Variants in SCFD1 observed in about 807,000 individuals in gnomAD.
SCFD1 encodes the protein sec1 family domain containing 1, also known as sec1 family domain-containing protein 1.
In SCFD1, 37 loss-of-function variants were observed where a neutral mutation model predicts 103.2. The observed-to-expected ratio is 0.36, with a 90% CI of 0.28 to 0.47. The LOEUF is 0.47. SCFD1 is among the 20% of genes least tolerant of loss of function. The pLI, the probability that SCFD1 is intolerant of heterozygous loss-of-function variation, is 1.00. For synonymous variants in SCFD1, 264 were observed against 245.0 expected, an observed-to-expected ratio of 1.08 and a Z score of -0.73; for missense variants, 639 against 761.2, an observed-to-expected ratio of 0.84 and a Z score of 1.89.
Position 30,674,864 on chromosome 14 carries a change from C to T in SCFD1, c.1161-120C>T, listed in dbSNP as rs530879772. On this transcript the variant is annotated intron_variant, in intron 13 of 24. Transcript: ENST00000458591. ...GATTAAATTAGTTGATAGTTTAATT[C>T]GTCATCTTGTTACTGTTTCACTGTT... 8.2e-5 allele frequency: 40 copies of T among 490,310 alleles called. 1 individual carries two copies. Among genetic ancestry groups the T allele is most frequent in the African/African-American group, 6.0e-4 (30 of 49,932 alleles). 30.4% of individuals were successfully genotyped at this position (490,310 alleles called of 1,614,324 possible).
intron 10 of SCFD1, among the ~76,000 whole-genome samples, chr14:30,664,398 C>T (rs1216640739): frequency 1.3e-5 from 2 of 151,268 alleles, no homozygotes; most frequent in Admixed American, 6.6e-5. Flanking sequence ...CTGTAGGTCA[C>T]CATCATCAAA....
upstream of SCFD1, chr14:30,622,254 C>T (rs1039575372): frequency 2.6e-6 from 4 of 1,562,808 alleles, no homozygotes; most frequent in Admixed American, 1.8e-5. Flanking sequence ...CCCGCCCTTC[C>T]GGGCTTTGCT....
chr14:30,639,903 AAATG>A (rs768463287), intron 6 of SCFD1, 39 bp downstream of exon 6: 21 of 1,553,436 alleles, frequency 1.4e-5, no homozygotes, highest in Non-Finnish European at 1.6e-5. Context: ...TTTGTTAACA[AAATG>A]AATGGTATAC....
chr14:30,677,590 T>C (rs1467065126), intron 14 of SCFD1, among the ~76,000 whole-genome samples: 1 of 148,106 alleles, frequency 6.8e-6, no homozygotes, highest in East Asian at 2.1e-4. Context: ...ACTGTATTGT[T>C]CTCATTATTT....
chr14:30,714,347 C>T (rs954401038), intron 19 of SCFD1, among the ~76,000 whole-genome samples: 3 of 138,248 alleles, frequency 2.2e-5, no homozygotes, highest in African/African-American at 5.6e-5. Flanking sequence ...GGCGACAGAG[C>T]GAGACTCCGT....
At chr14:30,669,479 A>G (rs1437220523) in intron 10 of SCFD1, among the ~76,000 whole-genome samples, 1 of 152,072 alleles carries the variant, frequency 6.6e-6, no homozygotes, top group Non-Finnish European at 1.5e-5. Flanking sequence ...GAAAAAAGAT[A>G]CTTACTTTTA....
intron 16 of SCFD1, among the ~76,000 whole-genome samples, chr14:30,701,159 T>G (rs1351070264): frequency 1.3e-5 from 2 of 152,194 alleles, no homozygotes; most frequent in African/African-American, 2.4e-5. Flanking sequence ...TCTGGTAAAT[T>G]GATAGGGTTT....
intron 19 of SCFD1, among the ~76,000 whole-genome samples, chr14:30,710,950 CA>C (rs1311603840): frequency 6.6e-6 from 1 of 152,160 alleles, no homozygotes; most frequent in African/African-American, 2.4e-5. Context: ...TAACTACATC[CA>C]GTTTTCTAGG....
At position 30,722,546 on chromosome 14, in the gene SCFD1, T is replaced by C. The variant is rs1156891793; in HGVS notation, c.1823T>C (p.Val608Ala). 8 of 1,602,228 alleles carry C rather than the reference T, an allele frequency of 5.0e-6. No homozygotes were observed. Among genetic ancestry groups the C allele is most frequent in the Non-Finnish European group, 6.8e-6 (8 of 1,172,800 alleles). ...AACTACATTGAATATCAGAATCTTG[T>C]TGACTACATAAAGGTACATTTTATT... ...GGNYIEYQNL[V>A]DYIKGKQGKH... Residue 608 changes from valine (V) to alanine (A), a missense_variant, in exon 23 of 25, where the codon GTT becomes GCT. Transcript: ENST00000458591.
intron 10 of SCFD1, among the ~76,000 whole-genome samples, chr14:30,669,448 A>T (rs1374600263): frequency 6.6e-6 from 1 of 152,106 alleles, no homozygotes; most frequent in African/African-American, 2.4e-5. Context: ...CCATAGATGT[A>T]ATGCAAGAAG....
At chr14:30,726,531 A>G (rs1199847992) in intron 23 of SCFD1, among the ~76,000 whole-genome samples, 1 of 151,802 alleles carries the variant, frequency 6.6e-6, no homozygotes, top group Non-Finnish European at 1.5e-5. Flanking sequence ...CAACAAAATC[A>G]GCTCTTGCTT....
chr14:30,628,112 G>T (rs1883715051), intron 1 of SCFD1, 97 bp from the exon 2 acceptor site: 4 of 753,566 alleles, frequency 5.3e-6, no homozygotes, highest in Non-Finnish European at 8.9e-6. Context: ...TACTAGAGTT[G>T]ATTAGTTTAT....
chr14:30,729,861 C>T (rs866546047), intron 23 of SCFD1, among the ~76,000 whole-genome samples: 2 of 147,996 alleles, frequency 1.4e-5, no homozygotes, highest in South Asian at 2.1e-4. Context: ...TATGCTGTTA[C>T]GAAAGGCATT....
chr14:30,655,500 A>G (rs1886814722), intron 10 of SCFD1, among the ~76,000 whole-genome samples: 1 of 152,240 alleles, frequency 6.6e-6, no homozygotes, highest in Non-Finnish European at 1.5e-5. Flanking sequence ...TCTAATATAC[A>G]TTTGAAGACT....
At chr14:30,631,408 G>A (rs1049758964) in intron 3 of SCFD1, among the ~76,000 whole-genome samples, 13 of 152,130 alleles carry the variant, frequency 8.5e-5, no homozygotes, top group African/African-American at 2.4e-4. Flanking sequence ...AATATCTCAC[G>A]TAATTTATTG....
intron 14 of SCFD1, among the ~76,000 whole-genome samples, chr14:30,676,814 CTGGAAATAAA>C (rs1230204013): frequency 6.6e-6 from 1 of 152,072 alleles, no homozygotes; most frequent in Admixed American, 6.6e-5. Flanking sequence ...ACAATGAGTT[CTGGAAATAAA>C]AGTGGAACTG....
chr14:30,630,848 G>T, intron 3 of SCFD1: 1 of 299,948 alleles, frequency 3.3e-6, no homozygotes, highest in Non-Finnish European at 6.1e-6. Flanking sequence ...AAAGTGTTTT[G>T]TTCCTTTAAT....
intron 14 of SCFD1, among the ~76,000 whole-genome samples, chr14:30,692,478 G>A (rs547864288): frequency 2.0e-5 from 3 of 152,318 alleles, no homozygotes; most frequent in East Asian, 1.9e-4. Context: ...ATTGAAGGAA[G>A]AGTTGTAGAA....
At chr14:30,663,496 C>T (rs1887628403) in intron 10 of SCFD1, among the ~76,000 whole-genome samples, 1 of 152,120 alleles carries the variant, frequency 6.6e-6, no homozygotes, top group Non-Finnish European at 1.5e-5. Context: ...GGATGGGAAA[C>T]TGAGAGGATT....
Sources: gnomAD v4.1 joint callset for allele counts (sites outside exome capture counted in the v4.1 genomes callset) on GRCh38, gnomAD v4.1.1 for gene constraint, MANE v1.5 for transcripts, NCBI Gene and HGNC (gene_info 2026-07-23, HGNC 2026-07-21) for gene names.